Variants in PIP4K2B observed in about 807,000 individuals in gnomAD.
PIP4K2B encodes the protein phosphatidylinositol-5-phosphate 4-kinase type 2 beta, also known as phosphatidylinositol 5-phosphate 4-kinase type-2 beta.
Under a neutral mutation model 42.0 loss-of-function variants are expected in PIP4K2B, and 3 were observed. The ratio of observed to expected loss-of-function variants is 0.07; its 90% confidence interval spans 0.03 to 0.18. PIP4K2B has a LOEUF of 0.18. PIP4K2B is among the 10% of genes least tolerant of loss of function. The probability of loss-of-function intolerance (pLI) is 1.00; values close to 1 mark genes in which losing one functional copy is unlikely to be tolerated. For missense variants in PIP4K2B, 332 were observed against 562.3 expected, an observed-to-expected ratio of 0.59 and a Z score of 4.14; for synonymous variants, 204 against 210.1, an observed-to-expected ratio of 0.97 and a Z score of 0.25.
chr17:38,772,977 G>A (rs1435772093), intron 7 of PIP4K2B, among the ~76,000 whole-genome samples: 1 of 152,094 alleles, frequency 6.6e-6, no homozygotes, highest in South Asian at 2.1e-4. Flanking sequence ...TCTTCTATCC[G>A]TGAAATTGTG....
intron 3 of PIP4K2B, among the ~76,000 whole-genome samples, chr17:38,781,050 G>A (rs556611695): frequency 6.6e-6 from 1 of 152,168 alleles, no homozygotes; most frequent in Non-Finnish European, 1.5e-5. Context: ...TCTCTTGGGG[G>A]TAGCAAAGAT....
intron 8 of PIP4K2B, among the ~76,000 whole-genome samples, 196 bp from the exon 9 acceptor site, chr17:38,770,735 G>A (rs1412460900): frequency 6.6e-6 from 1 of 152,112 alleles, no homozygotes; most frequent in African/African-American, 2.4e-5. Flanking sequence ...ACTCTGTGGG[G>A]CTGACAGGAC....
chr17:38,795,115 A>G (rs902354375), intron 1 of PIP4K2B, among the ~76,000 whole-genome samples: 1 of 150,816 alleles, frequency 6.6e-6, no homozygotes, highest in South Asian at 2.1e-4. Context: ...AAAAAAAAAA[A>G]AAAAAAAAAG....
intron 7 of PIP4K2B, among the ~76,000 whole-genome samples, chr17:38,775,045 G>C (rs540918821): frequency 6.6e-6 from 1 of 151,752 alleles, no homozygotes; most frequent in African/African-American, 2.4e-5. Flanking sequence ...CGTCTCCCGG[G>C]TTCATGCCAT....
At chr17:38,787,002 A>G (rs1910056331) in intron 1 of PIP4K2B, 82 bp from the exon 2 acceptor site, 3 of 892,058 alleles carry the variant, frequency 3.4e-6, no homozygotes, top group Non-Finnish European at 5.7e-6. Context: ...GGATGCCACA[A>G]TCTTGCTAAA....
intron 1 of PIP4K2B, among the ~76,000 whole-genome samples, chr17:38,787,127 C>T (rs1339995927): frequency 6.6e-6 from 1 of 152,162 alleles, no homozygotes; most frequent in Non-Finnish European, 1.5e-5. Context: ...CCTTCACCTC[C>T]TGGACTCAAG....
intron 8 of PIP4K2B, 114 bp from the exon 9 acceptor site, chr17:38,770,653 T>C: frequency 1.4e-6 from 1 of 708,878 alleles, no homozygotes; most frequent in Non-Finnish European, 2.5e-6. Context: ...CTTATCATGT[T>C]GGGGCTGAGA....
chr17:38,767,693 G>GC lies in PIP4K2B; in HGVS notation c.*1997dup, dbSNP rs1430833372. On this transcript the variant is annotated 3_prime_UTR_variant, in exon 10 of 10. Transcript: ENST00000619039. Reference sequence around the variant, plus strand: ...AGGCCACGGAGGCTGCTGGAAGACAGCTTTCCAAGCTTCAGAGATGCTGCG... The same window carrying GC: ...AGGCCACGGAGGCTGCTGGAAGACAGCCTTTCCAAGCTTCAGAGATGCTGCG... 1.3e-5 allele frequency: 2 copies of GC among 152,258 alleles called. No homozygotes were observed. Among genetic ancestry groups the GC allele is most frequent in the Non-Finnish European group, 2.9e-5 (2 of 68,052 alleles). The allele number at this position is 152,258 out of a possible 1,614,324, so 9.4% of individuals were successfully genotyped here.
At chr17:38,777,134 A>G (rs1157635170) in intron 7 of PIP4K2B, among the ~76,000 whole-genome samples, 2 of 152,180 alleles carry the variant, frequency 1.3e-5, no homozygotes, top group Non-Finnish European at 1.5e-5. Context: ...GTGAGACCAC[A>G]GCTCACTGCA....
intron 2 of PIP4K2B, among the ~76,000 whole-genome samples, chr17:38,786,417 A>C (rs1443148200): frequency 6.6e-6 from 1 of 152,200 alleles, no homozygotes; most frequent in Non-Finnish European, 1.5e-5. Context: ...CACCAGCCAG[A>C]CAGAAAAGAG....
At chr17:38,781,294 T>C (rs984996537) in intron 3 of PIP4K2B, among the ~76,000 whole-genome samples, 1 of 151,928 alleles carries the variant, frequency 6.6e-6, no homozygotes, top group African/African-American at 2.4e-5. Flanking sequence ...CTCAAGGTCC[T>C]ACTCCCATTA....
chr17:38,791,077 A>G (rs1247065267), intron 1 of PIP4K2B, among the ~76,000 whole-genome samples: 1 of 152,132 alleles, frequency 6.6e-6, no homozygotes, highest in East Asian at 1.9e-4. Context: ...GGAGATGAAA[A>G]AAAACCCTGA....
chr17:38,788,816 G>C (rs1910182792), intron 1 of PIP4K2B, among the ~76,000 whole-genome samples: 1 of 152,260 alleles, frequency 6.6e-6, no homozygotes, highest in Admixed American at 6.5e-5. Flanking sequence ...AGCTGGGTGT[G>C]GTGGAAGCCA....
chr17:38,799,165 G>C lies in PIP4K2B; in HGVS notation c.159+101C>G. The C allele has an allele frequency of 7.9e-7, 1 of 1,266,584 alleles. No homozygotes were observed. The highest frequency in any genetic ancestry group is 1.0e-6 in the Non-Finnish European group (1 of 956,734). 78.5% of individuals were successfully genotyped at this position (1,266,584 alleles called of 1,614,324 possible). A position where few individuals can be genotyped will look rare whatever the true frequency, so the allele number is the denominator to read the frequency against. On this transcript the variant is annotated intron_variant, in intron 1 of 9. Coordinates refer to ENST00000619039, the MANE Select transcript of PIP4K2B (RefSeq NM_003559.5). The surrounding 1 kb of genome is among the most constrained non-coding windows in gnomAD (Gnocchi z 4.4). ...CGTGCAAGTGGCTTGGCGAGGGGTG[G>C]CAGGCGTCACCGGCAGGGCCTGCGG...
chr17:38,775,640 G>C (rs1049334755), intron 7 of PIP4K2B, among the ~76,000 whole-genome samples: 1 of 152,070 alleles, frequency 6.6e-6, no homozygotes, highest in Non-Finnish European at 1.5e-5. Context: ...GGCAGATCAC[G>C]AGGTCAGGAG....
chr17:38,796,227 G>A (rs1021809664), intron 1 of PIP4K2B, among the ~76,000 whole-genome samples: 1 of 152,190 alleles, frequency 6.6e-6, no homozygotes, highest in African/African-American at 2.4e-5. Context: ...AATAACAAGT[G>A]TTGACAAGGA....
chr17:38,797,539 G>GC (rs1387213500), intron 1 of PIP4K2B, among the ~76,000 whole-genome samples: 1 of 152,192 alleles, frequency 6.6e-6, no homozygotes, highest in Non-Finnish European at 1.5e-5. Context: ...ATCTCTTGCT[G>GC]TAACCACAGG....
At chr17:38,776,049 C>T in intron 7 of PIP4K2B, 2 of 450,516 alleles carry the variant, frequency 4.4e-6, no homozygotes, top group South Asian at 1.6e-5. Context: ...AGGGTCACCG[C>T]AACCTCCGCC....
At chr17:38,778,249 C>G in intron 6 of PIP4K2B, 85 bp downstream of exon 6, 10 of 1,212,918 alleles carry the variant, frequency 8.2e-6, no homozygotes, top group Non-Finnish European at 1.1e-5. Flanking sequence ...GGGCTAGGGG[C>G]TGGGGTGGGC....
Sources: gnomAD v4.1 joint callset for allele counts (sites outside exome capture counted in the v4.1 genomes callset) on GRCh38, gnomAD v4.1.1 for gene constraint, Gnocchi (gnomAD v3.1) non-coding constraint, MANE v1.5 for transcripts, NCBI Gene and HGNC (gene_info 2026-07-23, HGNC 2026-07-21) for gene names.